Variants in EPHA6 observed in about 807,000 individuals in gnomAD.
EPHA6 encodes EPH receptor A6, also known as ephrin type-A receptor 6.
Under a neutral mutation model 112.0 loss-of-function variants are expected in EPHA6, and 50 were observed. The observed-to-expected ratio is 0.45, with a 90% CI of 0.36 to 0.56. The LOEUF is 0.56. Ranked by LOEUF, EPHA6 falls within the 20% of genes least tolerant of loss-of-function variation. The pLI is 0.00. For synonymous variants in EPHA6, 529 were observed against 490.7 expected (o/e 1.08, Z -1.03); for missense variants, 1,280 against 1,417.4 (o/e 0.90, Z 1.56).
intron 1 of EPHA6, among the ~76,000 whole-genome samples, chr3:96,821,314 C>G (rs982499416): frequency 2.0e-5 from 3 of 151,872 alleles, no homozygotes; most frequent in Admixed American, 2.0e-4. Context: ...TCTGGAGATA[C>G]TTCATTTAAA....
chr3:96,952,440 T>A (rs754823050), intron 2 of EPHA6, among the ~76,000 whole-genome samples: 1 of 152,116 alleles, frequency 6.6e-6, no homozygotes, highest in African/African-American at 2.4e-5. Context: ...TGGTGCTGAG[T>A]TAGTTCTTGT....
chr3:97,000,970 G>A (rs1364313403), intron 3 of EPHA6, among the ~76,000 whole-genome samples: 1 of 138,180 alleles, frequency 7.2e-6, no homozygotes, highest in Non-Finnish European at 1.5e-5. Context: ...AAAGCCCAAA[G>A]CTTCTTACTT....
At chr3:97,537,271 A>G (rs2092777381) in intron 11 of EPHA6, among the ~76,000 whole-genome samples, 2 of 152,080 alleles carry the variant, frequency 1.3e-5, no homozygotes. Flanking sequence ...TTTACCCCTG[A>G]GGTTCAGCTC....
chr3:97,468,398 G>A (rs2091124969), intron 7 of EPHA6, among the ~76,000 whole-genome samples: 1 of 150,644 alleles, frequency 6.6e-6, no homozygotes, highest in Admixed American at 6.6e-5. Flanking sequence ...TCAAAGCCTA[G>A]GCAGGGATAT....
chr3:97,675,086 C>G (rs2031236670), intron 14 of EPHA6, among the ~76,000 whole-genome samples: 2 of 152,182 alleles, frequency 1.3e-5, no homozygotes, highest in Non-Finnish European at 1.5e-5. Context: ...TCTGTGTACA[C>G]CTAACAAAAC....
intron 2 of EPHA6, among the ~76,000 whole-genome samples, chr3:96,928,013 C>G (rs1417069118): frequency 6.6e-6 from 1 of 152,138 alleles, no homozygotes; most frequent in Non-Finnish European, 1.5e-5. Flanking sequence ...AACTATGAAA[C>G]TTTTGCAAAA....
chr3:97,091,792 G>T (rs1034710506), intron 3 of EPHA6, among the ~76,000 whole-genome samples: 30 of 152,234 alleles, frequency 2.0e-4, no homozygotes, highest in African/African-American at 6.5e-4. Flanking sequence ...TTTTCTTGCT[G>T]TGAAGATGAC....
chr3:97,588,773 C>T (rs956361862), intron 11 of EPHA6, among the ~76,000 whole-genome samples: 25 of 152,172 alleles, frequency 1.6e-4, no homozygotes, highest in African/African-American at 5.5e-4. Context: ...GAAATTGAAG[C>T]ACAGTTTAAG....
intron 3 of EPHA6, among the ~76,000 whole-genome samples, chr3:97,198,182 A>G (rs1181543665): frequency 2.1e-4 from 32 of 152,106 alleles, no homozygotes; most frequent in Admixed American, 2.1e-3. Context: ...TTGTGTGAGT[A>G]GTTGTTCAAT....
At chr3:97,375,835 C>T (rs2085314326) in intron 5 of EPHA6, among the ~76,000 whole-genome samples, 1 of 152,102 alleles carries the variant, frequency 6.6e-6, no homozygotes, top group Non-Finnish European at 1.5e-5. Context: ...AAAAGGACTA[C>T]ACACTCTATG....
At chr3:97,502,832 CAAAAAAAAAAAAAA>C (rs397990595) in intron 10 of EPHA6, among the ~76,000 whole-genome samples, 1 of 35,880 alleles carries the variant, frequency 2.8e-5, no homozygotes, top group Non-Finnish European at 4.9e-5. Context: ...GACTCTGTCT[CAAAAAAAAAAAAAA>C]AAAAAAAAAA....
intron 15 of EPHA6, among the ~76,000 whole-genome samples, chr3:97,729,989 A>C (rs185101441): frequency 1.8e-4 from 28 of 152,206 alleles, no homozygotes; most frequent in African/African-American, 5.8e-4. Context: ...CCCTTGTTAA[A>C]TTTTGAGACA....
At chr3:97,575,776 T>C (rs1560153171) in intron 11 of EPHA6, among the ~76,000 whole-genome samples, 1 of 152,140 alleles carries the variant, frequency 6.6e-6, no homozygotes, top group Non-Finnish European at 1.5e-5. Context: ...GGGGGAAATA[T>C]AAGCACGGAA....
At chr3:97,500,414 G>A (rs543752119) in intron 10 of EPHA6, among the ~76,000 whole-genome samples, 1 of 152,130 alleles carries the variant, frequency 6.6e-6, no homozygotes, top group Non-Finnish European at 1.5e-5. Flanking sequence ...GGTGAAGGGG[G>A]AGCAGGCATG....
At chr3:97,199,774 T>C (rs2077533248) in intron 3 of EPHA6, among the ~76,000 whole-genome samples, 1 of 152,186 alleles carries the variant, frequency 6.6e-6, no homozygotes, top group Admixed American at 6.6e-5. Context: ...TAATGTTTAA[T>C]TACAGATATT....
chr3:96,949,513 G>A (rs1485484500), intron 2 of EPHA6, among the ~76,000 whole-genome samples: 1 of 151,916 alleles, frequency 6.6e-6, no homozygotes, highest in African/African-American at 2.4e-5. Context: ...TTTATAAAAA[G>A]TATATATATA....
chr3:97,080,241 A>G (rs1177370065), intron 3 of EPHA6, among the ~76,000 whole-genome samples: 1 of 152,210 alleles, frequency 6.6e-6, no homozygotes, highest in Non-Finnish European at 1.5e-5. Flanking sequence ...TGGATTGCAA[A>G]GTACTATGGT....
At chr3:97,433,650 T>C (rs1236533169) in intron 6 of EPHA6, among the ~76,000 whole-genome samples, 10 of 152,136 alleles carry the variant, frequency 6.6e-5, no homozygotes, top group Non-Finnish European at 7.4e-5. Flanking sequence ...CCCTTTTCCA[T>C]GTTGTTAGAA....
intron 11 of EPHA6, among the ~76,000 whole-genome samples, chr3:97,537,485 T>C (rs1464524483): frequency 6.6e-6 from 1 of 152,216 alleles, no homozygotes; most frequent in Non-Finnish European, 1.5e-5. Context: ...TTTCCCAATA[T>C]GGTGTGGTGT....
Sources: gnomAD v4.1 joint callset for allele counts (sites outside exome capture counted in the v4.1 genomes callset) on GRCh38, gnomAD v4.1.1 for gene constraint, MANE v1.5 for transcripts, NCBI Gene and HGNC (gene_info 2026-07-23, HGNC 2026-07-21) for gene names.